Variants in GOSR2 observed in about 807,000 individuals in gnomAD.
The protein encoded by GOSR2 is golgi SNAP receptor complex member 2.
GOSR2 carries 20 observed loss-of-function variants against 27.9 expected under a neutral mutation model. That is an observed-to-expected ratio of 0.72 (90% CI 0.50 to 1.04). The LOEUF (loss-of-function observed/expected upper bound fraction) is 1.04, where lower values mean the gene tolerates loss of function less well. Among genes scored for constraint, GOSR2 ranks in the 50% least tolerant of loss-of-function variants. The pLI, the probability that GOSR2 is intolerant of heterozygous loss-of-function variation, is 0.00. For synonymous variants in GOSR2, 91 were observed against 98.8 expected, an observed-to-expected ratio of 0.92 and a Z score of 0.47; for missense variants, 261 against 270.5, an observed-to-expected ratio of 0.97 and a Z score of 0.25.
At position 46,923,282 on chromosome 17, in the gene GOSR2, T is replaced by C. The variant is rs2085970618; in HGVS notation, c.29+61T>C. 1.9e-6 allele frequency: 3 copies of C among 1,549,804 alleles called. No homozygotes were observed. The Admixed American group carries it at 5.9e-5, about 30-fold the overall frequency. ...GAGGCGAGGCCAGGTGAGCCTGGCT[T>C]CTGGGGCTGAGGCCTCGGACGTCAG... is the stretch of plus-strand genomic sequence containing the variant. On this transcript the variant is annotated intron_variant, in intron 1 of 5. Transcript: ENST00000640051.
At chr17:46,956,960 C>A (rs948353695) in intron 6 of GOSR2, among the ~76,000 whole-genome samples, 5 of 152,224 alleles carry the variant, frequency 3.3e-5, no homozygotes, top group African/African-American at 1.2e-4. Flanking sequence ...GGAAAAATAG[C>A]TGCATAAAGG....
At chr17:46,971,434 A>G (rs117194424), downstream of GOSR2, among the ~76,000 whole-genome samples, 466 of 152,276 alleles carry the variant, frequency 3.1e-3, 1 homozygote, top group East Asian at 0.014. Flanking sequence ...AGGTCCTGGC[A>G]TGGCTTGGCT....
chr17:46,958,677 C>G (rs372137568), intron 6 of GOSR2, among the ~76,000 whole-genome samples: 1 of 152,340 alleles, frequency 6.6e-6, no homozygotes, highest in African/African-American at 2.4e-5. Flanking sequence ...CTCTGATGGA[C>G]AAGAGTTCTC....
intron 6 of GOSR2, among the ~76,000 whole-genome samples, chr17:46,973,421 C>A (rs1054208136): frequency 6.6e-6 from 1 of 152,100 alleles, no homozygotes; most frequent in Admixed American, 6.6e-5. Flanking sequence ...CCTTAGCCTC[C>A]CAAATTACTG....
chr17:46,969,696 C>T (rs577277526), downstream of GOSR2, among the ~76,000 whole-genome samples: 1 of 152,300 alleles, frequency 6.6e-6, no homozygotes, highest in Admixed American at 6.5e-5. Context: ...GAAGAGTTCA[C>T]GGGAATCAAA....
At chr17:46,974,098 C>G (rs2147349309) in intron 6 of GOSR2, among the ~76,000 whole-genome samples, 1 of 152,368 alleles carries the variant, frequency 6.6e-6, no homozygotes, top group East Asian at 1.9e-4. Flanking sequence ...TAGGGGACAT[C>G]TTGCTGGTGA....
At chr17:46,946,461 C>CA (rs61284512), downstream of GOSR2, among the ~76,000 whole-genome samples, 1,939 of 98,866 alleles carry the variant, frequency 0.02, 53 homozygotes, top group African/African-American at 0.071. Context: ...AACTCCGTCT[C>CA]AAAAAAAAAA....
rs180777362 is a variant in GOSR2, at chr17:46,940,137, G to A, written c.*1377G>A. On this transcript the variant is annotated 3_prime_UTR_variant, in exon 6 of 6. Transcript: ENST00000640051. ...CTTCACCTCTCTTGTTCCCCTCCCC[G>A]CTGCTCTGTAGTCATGTTGGTCCTT... 1,267 of 1,251,250 alleles carry A rather than the reference G, an allele frequency of 1.0e-3. 12 individuals are homozygous for A. In the African/African-American group the frequency reaches 0.018, roughly 18 times the overall value. The allele number at this position is 1,251,250 out of a possible 1,614,324, so 77.5% of individuals were successfully genotyped here.
downstream of GOSR2, among the ~76,000 whole-genome samples, chr17:46,975,706 C>T (rs1214273763): frequency 6.6e-6 from 1 of 152,132 alleles, no homozygotes; most frequent in East Asian, 1.9e-4. Flanking sequence ...CACCATGTGC[C>T]CACGTGTGCA....
At chr17:46,935,288 A>G in intron 5 of GOSR2, 119 bp downstream of exon 5, 1 of 1,583,112 alleles carries the variant, frequency 6.3e-7, no homozygotes, top group Middle Eastern at 1.7e-4. Flanking sequence ...TGATGACAAG[A>G]CAGAGCCCTT....
intron 4 of GOSR2, chr17:46,932,407 A>G (rs1390120798): frequency 1.6e-6 from 1 of 623,402 alleles, no homozygotes; most frequent in Non-Finnish European, 2.8e-6. Context: ...CCTGAAGAGG[A>G]AGCAGTTAAA....
chr17:46,963,412 G>C (rs952569506), intron 6 of GOSR2, among the ~76,000 whole-genome samples: 1 of 152,152 alleles, frequency 6.6e-6, no homozygotes, highest in Non-Finnish European at 1.5e-5. Context: ...GGGTGTGGTG[G>C]TGGGTGTCTG....
At position 46,931,700 on chromosome 17, in the gene GOSR2, G is replaced by A. The variant is rs145672555; in HGVS notation, c.204-367G>A. ...TTCCAAAAGTTTTATGAAACTTTGT[G>A]GATGCTTTACCTCAAAGATGCCCTT... On this transcript the variant is annotated intron_variant, in intron 3 of 5. Coordinates refer to ENST00000640051, the MANE Select transcript of GOSR2 (RefSeq NM_004287.5). The A allele has an allele frequency of 2.6e-3, 835 of 324,198 alleles. 3 individuals are homozygous for A. Among genetic ancestry groups the A allele is most frequent in the Non-Finnish European group, 3.3e-3 (585 of 176,662 alleles). 20.1% of individuals were successfully genotyped at this position (324,198 alleles called of 1,614,324 possible).
chr17:46,929,690 G>A, intron 2 of GOSR2, 106 bp downstream of exon 2: 1 of 720,420 alleles, frequency 1.4e-6, no homozygotes, highest in Non-Finnish European at 2.6e-6. Flanking sequence ...GATTCAGCGT[G>A]GAATGAGTTT....
At chr17:46,963,277 G>A (rs2091165171) in intron 6 of GOSR2, among the ~76,000 whole-genome samples, 1 of 152,228 alleles carries the variant, frequency 6.6e-6, no homozygotes, top group Admixed American at 6.5e-5. Flanking sequence ...AGGTGCAGTG[G>A]CTCACGCCTA....
intron 6 of GOSR2, among the ~76,000 whole-genome samples, chr17:46,948,239 G>A (rs1224287195): frequency 2.0e-5 from 3 of 152,188 alleles, no homozygotes; most frequent in African/African-American, 7.2e-5. Flanking sequence ...CATCTCACAG[G>A]GCAGCTGTGG....
chr17:46,935,645 T>G (rs2088190996), intron 5 of GOSR2: 1 of 1,002,850 alleles, frequency 1.0e-6, no homozygotes, highest in Non-Finnish European at 1.2e-6. Flanking sequence ...GCTGCCTGGT[T>G]GTTTGCAGTA....
intron 5 of GOSR2, chr17:46,936,747 A>G: frequency 1.0e-6 from 1 of 984,036 alleles, no homozygotes; most frequent in Non-Finnish European, 1.2e-6. Flanking sequence ...GCAGGACTTT[A>G]GCAAGAGTCT....
intron 4 of GOSR2, 80 bp downstream of exon 4, chr17:46,932,279 G>A: frequency 6.5e-7 from 1 of 1,540,110 alleles, no homozygotes; most frequent in Non-Finnish European, 9.0e-7. Context: ...AGCGCCATCT[G>A]TTTTGGGGGT....
Sources: gnomAD v4.1 joint callset for allele counts (sites outside exome capture counted in the v4.1 genomes callset) on GRCh38, gnomAD v4.1.1 for gene constraint, MANE v1.5 for transcripts, NCBI Gene and HGNC (gene_info 2026-07-23, HGNC 2026-07-21) for gene names.